The following GNG5 variants were observed in gnomAD, a reference collection of about 807,000 sequenced individuals.
GNG5 encodes the protein G protein subunit gamma 5.
GNG5 carries 2 observed loss-of-function variants against 6.2 expected under a neutral mutation model. The observed-to-expected ratio is 0.32, with a 90% CI of 0.13 to 1.01. The LOEUF (loss-of-function observed/expected upper bound fraction) is 1.01. Among genes scored for constraint, GNG5 ranks in the 50% least tolerant of loss-of-function variants. The probability of loss-of-function intolerance (pLI) is 0.48; values close to 1 mark genes in which losing one functional copy is unlikely to be tolerated. For synonymous variants in GNG5, 24 were observed against 33.0 expected (o/e 0.73, Z 0.93); for missense variants, 57 against 80.2 (o/e 0.71, Z 1.10).
At chr1:84,505,982 T>A in intron 2 of GNG5, 29 bp downstream of exon 2, 1 of 1,421,568 alleles carries the variant, frequency 7.0e-7, no homozygotes, top group Non-Finnish European at 9.4e-7. Context: ...GCCGCCTTCC[T>A]CCCGCCTCGG....
intron 1 of GNG5, 30 bp downstream of exon 1, chr1:84,506,406 C>T: frequency 4.4e-6 from 1 of 229,026 alleles, no homozygotes; most frequent in Non-Finnish European, 8.7e-6. Flanking sequence ...CCAGAGGGGC[C>T]GATTAGGGAG....
At position 84,506,412 on chromosome 1, in the gene GNG5, GGGAGAGGTAA is replaced by G. The variant is rs1471019648; in HGVS notation, c.-211+14_-211+23del. ...TTTTCCTCTCCAGAGGGGCCGATTA[GGGAGAGGTAA>G]GGAGAGAGCTTACCGTTAGCCGCGA... On this transcript the variant is annotated intron_variant, in intron 1 of 3. Transcript: ENST00000370645. The G allele has an allele frequency of 9.1e-6, 2 of 219,026 alleles. No individual in the cohort carries two copies. Among genetic ancestry groups the G allele is most frequent in the Non-Finnish European group, 1.8e-5 (2 of 109,578 alleles). The allele number at this position is 219,026 out of a possible 1,614,324, so 13.6% of individuals were successfully genotyped here.
intron 2 of GNG5, 55 bp from the exon 3 acceptor site, chr1:84,502,025 G>A (rs1236052599): frequency 1.4e-6 from 2 of 1,389,722 alleles, no homozygotes; most frequent in Non-Finnish European, 2.0e-6. Context: ...TTTTAATGAA[G>A]GTTTTCTCAA....
intron 2 of GNG5, among the ~76,000 whole-genome samples, chr1:84,504,859 ACT>A (rs1400299785): frequency 6.6e-6 from 1 of 151,682 alleles, no homozygotes; most frequent in African/African-American, 2.4e-5. Context: ...TAAATGGGAG[ACT>A]CTCTCTCAGG....
chr1:84,499,469 A>G (rs1570358272), intron 3 of GNG5, among the ~76,000 whole-genome samples: 1 of 152,300 alleles, frequency 6.6e-6, no homozygotes, highest in East Asian at 1.9e-4. Flanking sequence ...ACTTCTAGAA[A>G]CTTAATAGAG....
chr1:84,505,383 A>C (rs1361445323), intron 2 of GNG5, among the ~76,000 whole-genome samples: 2 of 152,194 alleles, frequency 1.3e-5, no homozygotes, highest in Non-Finnish European at 2.9e-5. Context: ...ATAGGTATGA[A>C]ATGCACGCTT....
intron 3 of GNG5, among the ~76,000 whole-genome samples, 171 bp from the exon 4 acceptor site, chr1:84,498,719 C>G (rs1252673249): frequency 6.6e-6 from 1 of 152,138 alleles, no homozygotes; most frequent in Non-Finnish European, 1.5e-5. Flanking sequence ...ATAAGTCATT[C>G]CTGTTTTATA....
At position 84,500,086 on chromosome 1, in the gene GNG5, A is replaced by G. The variant is rs149547790; in HGVS notation, c.*20-1538T>C. On this transcript the variant is annotated intron_variant, in intron 3 of 3. Transcript: ENST00000370645. Reference sequence around the variant, plus strand: ...CAGTGATAAAACTGTATTTATATACATAACTCCAATGTAGATTCTTTACAT... The same window carrying G: ...CAGTGATAAAACTGTATTTATATACGTAACTCCAATGTAGATTCTTTACAT... Among the ~76,000 whole-genome samples the G allele has an allele frequency of 4.6e-3, 704 of 152,328 alleles. 1 individual carries two copies. The highest frequency in any genetic ancestry group is 7.8e-3 in the Admixed American group (119 of 15,296).
intron 2 of GNG5, chr1:84,503,946 T>C (rs1000656357): frequency 2.0e-5 from 3 of 152,198 alleles, no homozygotes; most frequent in African/African-American, 7.2e-5. Context: ...AGAAACAGCA[T>C]TCCAAACAGT....
chr1:84,501,225 T>C (rs1320331727), intron 3 of GNG5, among the ~76,000 whole-genome samples: 2 of 152,208 alleles, frequency 1.3e-5, no homozygotes, highest in Non-Finnish European at 2.9e-5. Context: ...CTTCATGTTT[T>C]ATCTTTAATC....
chr1:84,506,150 G>C lies in GNG5; in HGVS notation c.-59C>G, dbSNP rs11163985. 0.1 allele frequency: 151,244 copies of C among 1,445,842 alleles called. 11,175 individuals carry two copies. The highest frequency in any genetic ancestry group is 0.37 in the African/African-American group (25,170 of 68,398). The allele number at this position is 1,445,842 out of a possible 1,614,324, so 89.6% of individuals were successfully genotyped here. A position where few individuals can be genotyped will look rare whatever the true frequency, so the allele number is the denominator to read the frequency against. ...GGTGGGTCGTGGGCCGTGGGTCGGC[G>C]GGGCCAGACAACTCAGCGGCGCGCG... On this transcript the variant is annotated 5_prime_UTR_variant, in exon 2 of 4. Transcript: ENST00000370645.
chr1:84,502,078 G>T, intron 2 of GNG5, 108 bp from the exon 3 acceptor site: 4 of 680,450 alleles, frequency 5.9e-6, no homozygotes, highest in Non-Finnish European at 7.5e-6. Context: ...TACTTCTCTT[G>T]CTTCAAAAGA....
intron 3 of GNG5, 32 bp from the exon 4 acceptor site, chr1:84,498,580 T>C (rs1681988401): frequency 6.7e-6 from 1 of 149,858 alleles, no homozygotes; most frequent in Admixed American, 6.7e-5. Context: ...AAAGGTGAGT[T>C]AGGGTAAAGT....
In GNG5 at chr1:84,506,131, TCGTGGGC is replaced by T. The variant is rs1436794015; in HGVS notation, c.-47_-41del. 1.3e-6 allele frequency: 2 copies of T among 1,537,350 alleles called. No individual in the cohort carries two copies. The highest frequency in any genetic ancestry group is 1.8e-6 in the Non-Finnish European group (2 of 1,136,466). On this transcript the variant is annotated 5_prime_UTR_variant, in exon 2 of 4. Transcript: ENST00000370645. ...CCGGGCCGATTCGTGGGTCGGTGGG[TCGTGGGC>T]CGTGGGTCGGCGGGGCCAGACAACT...
chr1:84,505,929 C>T lies in GNG5; in HGVS notation c.81+82G>A, dbSNP rs1682193071. 3.0e-6 allele frequency: 3 copies of T among 997,138 alleles called. No individual in the cohort carries two copies. The South Asian group carries it at 7.3e-5, about 24-fold the overall frequency. 61.8% of individuals were successfully genotyped at this position (997,138 alleles called of 1,614,324 possible). The stretch of plus-strand genomic sequence containing the variant: ...GGGAAGCGAGGGCCGGCGCGTGTCC[C>T]GCCCGCCCCCGCCAGCTGGGCCGCC... On this transcript the variant is annotated intron_variant, in intron 2 of 3. Coordinates refer to ENST00000370645, the MANE Select transcript of GNG5 (RefSeq NM_005274.3).
Position 84,506,085 on chromosome 1 carries a change from C to G in GNG5, c.7G>C (p.Gly3Arg), listed in dbSNP as rs745956944. 2 of 1,576,322 alleles carry G rather than the reference C, an allele frequency of 1.3e-6. No homozygotes were observed. Residue 3 changes from glycine to arginine, a missense_variant, in exon 2 of 4, where the codon GGC becomes CGC. By Grantham distance (125) the Gly-to-Arg change is moderately radical. Coordinates refer to ENST00000370645, the MANE Select transcript of GNG5 (RefSeq NM_005274.3). MSGSSSVAAMKKV... is the reference protein window; with the variant it reads MSRSSSVAAMKKV... ...TTCATAGCGGCGACGCTGGAGGAGC[C>G]AGACATGGTGCACGCGACGGCCGGG...
intron 2 of GNG5, among the ~76,000 whole-genome samples, chr1:84,504,149 C>T (rs1682110322): frequency 6.6e-6 from 1 of 152,126 alleles, no homozygotes; most frequent in African/African-American, 2.4e-5. Flanking sequence ...ATTGTACTCA[C>T]ACATAAAGGT....
intron 2 of GNG5, among the ~76,000 whole-genome samples, chr1:84,502,333 C>T (rs969236609): frequency 2.0e-5 from 3 of 151,692 alleles, no homozygotes; most frequent in Non-Finnish European, 4.4e-5. Flanking sequence ...GGGGTTTCAC[C>T]GTGTTGGCCA....
chr1:84,505,677 G>A (rs368087276), intron 2 of GNG5, among the ~76,000 whole-genome samples: 1 of 152,248 alleles, frequency 6.6e-6, no homozygotes, highest in Non-Finnish European at 1.5e-5. Flanking sequence ...AGCGCGCGGA[G>A]GCGCAGCTGT....
Sources: gnomAD v4.1 joint callset for allele counts (sites outside exome capture counted in the v4.1 genomes callset) on GRCh38, gnomAD v4.1.1 for gene constraint, MANE v1.5 for transcripts, NCBI Gene and HGNC (gene_info 2026-07-23, HGNC 2026-07-21) for gene names.